The following AHI1 variants were observed in gnomAD, a reference collection of about 807,000 sequenced individuals.
The protein encoded by AHI1 is Abelson helper integration site 1, also known as jouberin.
AHI1 carries 123 observed loss-of-function variants against 149.3 expected under a neutral mutation model. That is an observed-to-expected ratio of 0.82 (90% CI 0.71 to 0.96). AHI1 has a LOEUF of 0.96. Ranked by LOEUF, AHI1 falls within the 40% of genes least tolerant of loss-of-function variation. The pLI, the probability that AHI1 is intolerant of heterozygous loss-of-function variation, is 0.00. For missense variants in AHI1, 1,439 were observed against 1,422.7 expected, an observed-to-expected ratio of 1.01 and a Z score of -0.18; for synonymous variants, 475 against 459.8, an observed-to-expected ratio of 1.03 and a Z score of -0.42.
intron 21 of AHI1, among the ~76,000 whole-genome samples, chr6:135,405,634 G>A (rs577438118): frequency 9.9e-5 from 15 of 152,144 alleles, no homozygotes; most frequent in African/African-American, 3.4e-4. Context: ...GCCGAGGCAG[G>A]CAGATCACGA....
chr6:135,352,374 G>A (rs113021291), intron 24 of AHI1, among the ~76,000 whole-genome samples: 1 of 152,176 alleles, frequency 6.6e-6, no homozygotes, highest in Non-Finnish European at 1.5e-5. Context: ...TAAACTGTGT[G>A]TACACAGTGT....
intron 23 of AHI1, among the ~76,000 whole-genome samples, chr6:135,378,000 T>C (rs1235039095): frequency 1.3e-5 from 2 of 152,196 alleles, no homozygotes; most frequent in East Asian, 3.8e-4. Flanking sequence ...TCTGGGAAAA[T>C]TACTGTCCCA....
intron 23 of AHI1, among the ~76,000 whole-genome samples, chr6:135,360,187 A>G (rs1793637094): frequency 6.6e-6 from 1 of 152,240 alleles, no homozygotes; most frequent in Non-Finnish European, 1.5e-5. Flanking sequence ...TTATTAATGT[A>G]TAACAATAAT....
chr6:135,428,826 C>A (rs1784264670), intron 18 of AHI1, 67 bp from the exon 19 acceptor site: 6 of 1,400,618 alleles, frequency 4.3e-6, no homozygotes, highest in African/African-American at 1.5e-5. Flanking sequence ...GGTATAAAAT[C>A]TTTTCTCTTA....
chr6:135,437,137 C>T (rs1018607621), intron 15 of AHI1, among the ~76,000 whole-genome samples: 2 of 152,140 alleles, frequency 1.3e-5, no homozygotes, highest in East Asian at 1.9e-4. Flanking sequence ...TCATGTCTGA[C>T]TAAATTTCAT....
At position 135,438,496 on chromosome 6, in the gene AHI1, A is replaced by T. The variant is rs974371363; in HGVS notation, c.1915T>A (p.Tyr639Asn). ...ATGAAACGTCCAGAAGGAATTTCATATACTAATGAAAATATTTAGAAATTA... is the reference window on the plus strand; with the variant it reads ...ATGAAACGTCCAGAAGGAATTTCATTTACTAATGAAAATATTTAGAAATTA... ...ASRDGYPIIL[Y>N]EIPSGRFMRE... The change falls in exon 15 of 29, where the codon TAT becomes AAT. Residue 639 changes from tyrosine to asparagine, a missense_variant and splice_region_variant. Transcript: ENST00000265602. 6.5e-7 allele frequency: 1 copy of T among 1,536,660 alleles called. No homozygotes were observed. Among genetic ancestry groups the T allele is most frequent in the Non-Finnish European group, 8.8e-7 (1 of 1,138,280 alleles).
In AHI1 at chr6:135,427,182, T is replaced by C; in HGVS notation, c.2749A>G (p.Ile917Val). ...FGQNEPILLY[I>V]YDFHVAQQEA... The stretch of plus-strand genomic sequence containing the variant: ...GTAGACTTACCATGGAAATCGTAAA[T>C]ATACAGAAGAATTGGCTCATTTTGC... The change falls in exon 20 of 29, where the codon ATT becomes GTT. Residue 917 changes from isoleucine (I) to valine (V), a missense_variant. Ile to Val is a conservative substitution (Grantham distance 29, BLOSUM62 3). Transcript: ENST00000265602. 6.2e-7 allele frequency: 1 copy of C among 1,609,958 alleles called. No individual in the cohort carries two copies. Among genetic ancestry groups the C allele is most frequent in the South Asian group, 1.1e-5 (1 of 90,792 alleles).
intron 23 of AHI1, chr6:135,388,140 ATT>A (rs1777889585): frequency 8.3e-7 from 1 of 1,203,632 alleles, no homozygotes; most frequent in Admixed American, 2.1e-5. Flanking sequence ...AAATCAGTTA[ATT>A]TTGTAGATTA....
At chr6:135,322,289 C>A (rs988671330) in intron 25 of AHI1, among the ~76,000 whole-genome samples, 1 of 152,162 alleles carries the variant, frequency 6.6e-6, no homozygotes, top group Non-Finnish European at 1.5e-5. Flanking sequence ...AGCATGCTAT[C>A]AAGTTAATTG....
intron 25 of AHI1, among the ~76,000 whole-genome samples, chr6:135,321,212 G>A (rs769046443): frequency 2.0e-5 from 3 of 152,070 alleles, no homozygotes; most frequent in Non-Finnish European, 2.9e-5. Flanking sequence ...TTAGTGAGCC[G>A]TGACTGCATC....
chr6:135,432,945 C>A lies in AHI1; in HGVS notation c.2266+82G>T. On this transcript the variant is annotated intron_variant, in intron 16 of 28. Coordinates refer to ENST00000265602, the MANE Select transcript of AHI1 (RefSeq NM_001134831.2). Reference sequence around the variant, plus strand: ...AATATGCGCAATCATCAGTACATAACCCTCTCAAGCCTAAATAACTATTAT... The same window carrying A: ...AATATGCGCAATCATCAGTACATAAACCTCTCAAGCCTAAATAACTATTAT... 7.8e-6 allele frequency: 8 copies of A among 1,025,184 alleles called. No homozygotes were observed. In the South Asian group the frequency reaches 9.6e-5, roughly 12 times the overall value. The allele number at this position is 1,025,184 out of a possible 1,614,324, so 63.5% of individuals were successfully genotyped here.
Position 135,427,194 on chromosome 6 carries a change from T to C in AHI1, c.2737A>G (p.Ile913Val), listed in dbSNP as rs754153046. 3.1e-6 allele frequency: 5 copies of C among 1,610,326 alleles called. No individual in the cohort carries two copies. The highest frequency in any genetic ancestry group is 4.5e-5 in the East Asian group (2 of 44,722). Residue 913 changes from isoleucine to valine, a missense_variant, in exon 20 of 29, where the codon ATT becomes GTT. Ile to Val is a conservative substitution (Grantham distance 29). Transcript: ENST00000265602. ...TGGAAATCGTAAATATACAGAAGAA[T>C]TGGCTCATTTTGCCCAAATGCACAG... is the stretch of plus-strand genomic sequence containing the variant. Reference protein sequence around the residue: ...AFCAFGQNEPILLYIYDFHVA... With the variant: ...AFCAFGQNEPVLLYIYDFHVA...
chr6:135,409,614 G>T (rs1781296425), intron 21 of AHI1, among the ~76,000 whole-genome samples: 1 of 152,080 alleles, frequency 6.6e-6, no homozygotes, highest in Admixed American at 6.5e-5. Flanking sequence ...TATACTACTA[G>T]TATTATTTCA....
chr6:135,382,369 T>A (rs1776882511), intron 23 of AHI1, among the ~76,000 whole-genome samples: 1 of 152,170 alleles, frequency 6.6e-6, no homozygotes, highest in Admixed American at 6.5e-5. Context: ...TTCTAGAAAA[T>A]ACAAATCAAC....
intron 20 of AHI1, among the ~76,000 whole-genome samples, chr6:135,417,650 A>G (rs1183428084): frequency 6.6e-6 from 1 of 151,970 alleles, no homozygotes; most frequent in East Asian, 1.9e-4. Flanking sequence ...TGTTTTTTTC[A>G]TCTAAAGGAA....
chr6:135,458,313 C>T (rs529878603), intron 8 of AHI1, among the ~76,000 whole-genome samples: 1 of 152,044 alleles, frequency 6.6e-6, no homozygotes, highest in East Asian at 1.9e-4. Flanking sequence ...AAAGTCACTG[C>T]CAGGAGAATG....
chr6:135,298,600 G>T (rs1783456438), intron 27 of AHI1, among the ~76,000 whole-genome samples: 1 of 152,182 alleles, frequency 6.6e-6, no homozygotes, highest in Admixed American at 6.5e-5. Context: ...CAAGTCATGA[G>T]AAATCTATCT....
chr6:135,492,138 A>G, intron 4 of AHI1, 90 bp downstream of exon 4: 3 of 945,374 alleles, frequency 3.2e-6, no homozygotes, highest in Non-Finnish European at 4.7e-6. Flanking sequence ...TGTATTCATT[A>G]ATCTGTTCAA....
intron 15 of AHI1, among the ~76,000 whole-genome samples, chr6:135,434,775 A>C (rs149640054): frequency 3.1e-4 from 47 of 152,218 alleles, no homozygotes; most frequent in Middle Eastern, 3.4e-3. Context: ...AACACACACA[A>C]AAATTACTAG....
Sources: gnomAD v4.1 joint callset for allele counts (sites outside exome capture counted in the v4.1 genomes callset) on GRCh38, gnomAD v4.1.1 for gene constraint, MANE v1.5 for transcripts, NCBI Gene and HGNC (gene_info 2026-07-23, HGNC 2026-07-21) for gene names.